FAM135B: variants seen among roughly 807,000 people sequenced by gnomAD.
FAM135B encodes family with sequence similarity 135 member B.
FAM135B carries 43 observed loss-of-function variants against 127.7 expected under a neutral mutation model. The observed-to-expected ratio is 0.34, with a 90% confidence interval of 0.26 to 0.43. FAM135B has a LOEUF of 0.43. FAM135B is among the 20% of genes least tolerant of loss of function. FAM135B has a pLI of 1.00. For missense variants in FAM135B, 1,558 were observed against 1,725.6 expected (o/e 0.90, Z 1.72); for synonymous variants, 670 against 665.1 (o/e 1.01, Z -0.11).
intron 11 of FAM135B, among the ~76,000 whole-genome samples, chr8:138,170,217 CTTTTTTTTT>C (rs141401317): frequency 1.1e-4 from 12 of 112,064 alleles, no homozygotes; most frequent in African/African-American, 4.2e-4. Context: ...CTGTTACTAT[CTTTTTTTTT>C]TTTTTTTTTT....
intron 6 of FAM135B, among the ~76,000 whole-genome samples, chr8:138,246,928 A>C (rs1821334319): frequency 6.6e-6 from 1 of 152,248 alleles, no homozygotes; most frequent in Non-Finnish European, 1.5e-5. Flanking sequence ...ACATGGAGTC[A>C]AAGGGGATTA....
chr8:138,140,553 CCTT>C (rs1027738851), intron 17 of FAM135B, among the ~76,000 whole-genome samples: 5 of 152,134 alleles, frequency 3.3e-5, no homozygotes, highest in African/African-American at 9.7e-5. Context: ...CAGTCGAGGT[CCTT>C]CTTTGTCTGA....
At chr8:138,473,819 CAT>C (rs1389589146) in intron 1 of FAM135B, among the ~76,000 whole-genome samples, 1 of 149,850 alleles carries the variant, frequency 6.7e-6, no homozygotes, top group African/African-American at 2.5e-5. Context: ...TTTATCCACT[CAT>C]ATGAGAGACA....
In FAM135B at chr8:138,493,289, T is replaced by A. The variant is rs984285071; in HGVS notation, c.-20+3382A>T. ...TTGAATCTGAATCTAAATCTTTAGG[T>A]CATTCTGCTCCCTCCTGGTGTCTCC... On this transcript the variant is annotated intron_variant, in intron 1 of 19. Transcript: ENST00000395297. Among the ~76,000 whole-genome samples the A allele has an allele frequency of 2.0e-4, 31 of 152,032 alleles. 1 individual carries two copies. The highest frequency in any genetic ancestry group is 7.2e-4 in the African/African-American group (30 of 41,390).
intron 1 of FAM135B, among the ~76,000 whole-genome samples, chr8:138,387,703 G>T (rs1436523739): frequency 6.6e-6 from 1 of 152,036 alleles, no homozygotes; most frequent in East Asian, 1.9e-4. Context: ...ATTCCACAGA[G>T]GGGATTACTA....
In FAM135B at chr8:138,141,256, C is replaced by T. The variant is rs979450900; in HGVS notation, c.3732G>A (p.Leu1244=). The part of the protein sequence containing the change: ...RYYLNKLHTF[L]SLSGPHLGTL... Reference sequence around the variant, plus strand: ...TTCCCAGGTGAGGCCCAGAGAGTGACAGGAACGTGTGGAGTTTGTTGAGGT... The same window carrying T: ...TTCCCAGGTGAGGCCCAGAGAGTGATAGGAACGTGTGGAGTTTGTTGAGGT... The change falls in exon 17 of 20, where the codon CTG becomes CTA. Residue 1244 remains leucine, a synonymous_variant. Coordinates refer to ENST00000395297, the MANE Select transcript of FAM135B (RefSeq NM_015912.4). This position sits in a 1 kb window ranked among gnomAD's most constrained non-coding sequence, Gnocchi z 4.7. 6.2e-7 allele frequency: 1 copy of T among 1,614,120 alleles called. No individual in the cohort carries two copies. The highest frequency in any genetic ancestry group is 8.5e-7 in the Non-Finnish European group (1 of 1,180,038).
intron 1 of FAM135B, among the ~76,000 whole-genome samples, chr8:138,395,209 A>T (rs145952052): frequency 6.6e-6 from 1 of 152,198 alleles, no homozygotes; most frequent in African/African-American, 2.4e-5. Flanking sequence ...CACTTATATA[A>T]TAAATTTGCC....
intron 2 of FAM135B, among the ~76,000 whole-genome samples, chr8:138,332,043 TG>T (rs1828219868): frequency 6.6e-6 from 1 of 152,196 alleles, no homozygotes. Flanking sequence ...TGAAACCCAG[TG>T]CTACATTCTT....
chr8:138,366,419 C>T (rs1830738420), intron 2 of FAM135B, among the ~76,000 whole-genome samples: 1 of 152,174 alleles, frequency 6.6e-6, no homozygotes, highest in Non-Finnish European at 1.5e-5. Context: ...GGGCTCCTAT[C>T]AATATACAAT....
At chr8:138,328,625 TAA>T (rs1210065002) in intron 2 of FAM135B, among the ~76,000 whole-genome samples, 1 of 152,176 alleles carries the variant, frequency 6.6e-6, no homozygotes, top group Non-Finnish European at 1.5e-5. Flanking sequence ...TTTACTCTAA[TAA>T]GTGTTACTAT....
chr8:138,300,094 A>G (rs2130838664), intron 3 of FAM135B, among the ~76,000 whole-genome samples: 1 of 152,106 alleles, frequency 6.6e-6, no homozygotes, highest in Non-Finnish European at 1.5e-5. Flanking sequence ...CAGCCTCCCG[A>G]GTAGCTGGGA....
At chr8:138,157,869 A>C (rs199655928) in intron 12 of FAM135B, among the ~76,000 whole-genome samples, 4 of 152,222 alleles carry the variant, frequency 2.6e-5, no homozygotes, top group Non-Finnish European at 4.4e-5. Flanking sequence ...AATGGCCATA[A>C]TGCCCAAGGT....
At chr8:138,139,913 T>C (rs1464933218) in intron 17 of FAM135B, among the ~76,000 whole-genome samples, 1 of 152,224 alleles carries the variant, frequency 6.6e-6, no homozygotes, top group Non-Finnish European at 1.5e-5. Context: ...GGTATGTACA[T>C]ATATTACACT....
intron 2 of FAM135B, among the ~76,000 whole-genome samples, chr8:138,348,197 C>T (rs1168398175): frequency 2.3e-5 from 3 of 131,496 alleles, no homozygotes; most frequent in African/African-American, 5.9e-5. Flanking sequence ...TGCAATGGCT[C>T]CATCTCGGCT....
In FAM135B at chr8:138,287,444, C is replaced by CTT. The variant is rs1362263138; in HGVS notation, c.158-21604_158-21603dup. Among the ~76,000 whole-genome samples, 170 of 128,450 alleles carry CTT rather than the reference C, an allele frequency of 1.3e-3. 2 individuals carry two copies. Among genetic ancestry groups the CTT allele is most frequent in the Non-Finnish European group, 2.3e-3 (141 of 60,332 alleles). 84.3% of individuals were successfully genotyped at this position (128,450 alleles called of 152,430 possible). A position where few individuals can be genotyped will look rare whatever the true frequency, so the allele number is the denominator to read the frequency against. The stretch of plus-strand genomic sequence containing the variant: ...ACACTTTGAAGTACATTTTGGAAGT[C>CTT]TTTTTTTTTTTTTTTTTTTTTCAAA... On this transcript the variant is annotated intron_variant, in intron 3 of 19. Coordinates refer to ENST00000395297, the MANE Select transcript of FAM135B (RefSeq NM_015912.4).
intron 7 of FAM135B, among the ~76,000 whole-genome samples, chr8:138,236,399 T>TACACACACACACAC (rs35317285): frequency 2.8e-5 from 4 of 144,790 alleles, no homozygotes; most frequent in African/African-American, 1.0e-4. Context: ...CACACACACA[T>TACACACACACACAC]ACACACACAC....
rs1471695906 is a variant in FAM135B at position 138,142,285 on chromosome 8, CTTCTTTTTTTTTTTTTTTT to C, written c.3638+708_3638+726del. 2.0e-3 allele frequency among the ~76,000 whole-genome samples: 201 copies of C among 99,960 alleles called. 3 individuals are homozygous for C. Among genetic ancestry groups the C allele is most frequent in the African/African-American group, 7.2e-3 (192 of 26,736 alleles). The allele number at this position is 99,960 out of a possible 152,430, so 65.6% of individuals were successfully genotyped here. On this transcript the variant is annotated intron_variant, in intron 16 of 19. Coordinates refer to ENST00000395297, the MANE Select transcript of FAM135B (RefSeq NM_015912.4). ...TTGGGGTGGGCAACTCATTCTGCTT[CTTCTTTTTTTTTTTTTTTT>C]TTTTTTTTTTTTTTGAGATGGAGTC...
chr8:138,266,929 A>G (rs1471561818), intron 3 of FAM135B, among the ~76,000 whole-genome samples: 1 of 152,166 alleles, frequency 6.6e-6, no homozygotes. Flanking sequence ...GCATTTTACA[A>G]GTTCTAAAGT....
intron 1 of FAM135B, among the ~76,000 whole-genome samples, chr8:138,466,610 A>G (rs1837393253): frequency 6.6e-6 from 1 of 152,174 alleles, no homozygotes; most frequent in Admixed American, 6.5e-5. Context: ...TGACTGAACA[A>G]CCGAATTTAA....
Sources: allele counts gnomAD v4.1 joint callset (sites outside exome capture counted in the v4.1 genomes callset), GRCh38; gene constraint gnomAD v4.1.1; non-coding constraint Gnocchi (gnomAD v3.1); transcripts MANE v1.5; gene names NCBI Gene and HGNC (gene_info 2026-07-23, HGNC 2026-07-21).